The following CPA6 variants were observed in gnomAD, a reference collection of about 807,000 sequenced individuals.
CPA6 encodes the protein carboxypeptidase A6.
CPA6 carries 58 observed loss-of-function variants against 63.3 expected under a neutral mutation model. The observed-to-expected ratio is 0.92, with a 90% CI of 0.74 to 1.14. CPA6 has a LOEUF of 1.14. Ranked by LOEUF, CPA6 falls within the 50% of genes most tolerant of loss-of-function variation. The pLI, the probability that CPA6 is intolerant of heterozygous loss-of-function variation, is 0.00. For synonymous variants in CPA6, 185 were observed against 179.0 expected (o/e 1.03, Z -0.27); for missense variants, 565 against 526.6 (o/e 1.07, Z -0.71).
At chr8:67,589,944 T>C (rs1587605445) in intron 2 of CPA6, among the ~76,000 whole-genome samples, 1 of 152,022 alleles carries the variant, frequency 6.6e-6, no homozygotes, top group East Asian at 1.9e-4. Context: ...AATGTGCAGG[T>C]TAGTTACATA....
chr8:67,721,068 T>C (rs1430845420), intron 1 of CPA6, among the ~76,000 whole-genome samples: 1 of 152,248 alleles, frequency 6.6e-6, no homozygotes, highest in Non-Finnish European at 1.5e-5. Flanking sequence ...ACATTACAAA[T>C]GTTTGAATAA....
At chr8:67,612,136 TAAGTATGGC>T (rs1814823804) in intron 2 of CPA6, among the ~76,000 whole-genome samples, 1 of 152,180 alleles carries the variant, frequency 6.6e-6, no homozygotes, top group African/African-American at 2.4e-5. Context: ...ATGGACTGTC[TAAGTATGGC>T]CCTGGATATG....
chr8:67,674,047 T>C (rs549332294), intron 1 of CPA6, among the ~76,000 whole-genome samples: 1 of 152,368 alleles, frequency 6.6e-6, no homozygotes, highest in South Asian at 2.1e-4. Context: ...GTTACCATCA[T>C]AGAACAATCC....
chr8:67,593,359 C>T lies in CPA6; in HGVS notation c.192+30817G>A, dbSNP rs984927170. Among the ~76,000 whole-genome samples the T allele has an allele frequency of 4.5e-4, 69 of 151,962 alleles. 1 individual carries two copies. The highest frequency in any genetic ancestry group is 8.2e-4 in the Non-Finnish European group (56 of 67,938). ...TGTGGTGCTGAAAAAAATGTATATT[C>T]TGTTGATTTGGGGTGGAGAGTTCTG... On this transcript the variant is annotated intron_variant, in intron 2 of 10. Coordinates refer to ENST00000297770, the MANE Select transcript of CPA6 (RefSeq NM_020361.5).
intron 8 of CPA6, among the ~76,000 whole-genome samples, chr8:67,445,921 A>G (rs1230982102): frequency 6.6e-6 from 1 of 152,256 alleles, no homozygotes; most frequent in Non-Finnish European, 1.5e-5. Context: ...GCAATTGTAT[A>G]AATGAGATGG....
chr8:67,642,691 G>C (rs7813822), intron 1 of CPA6, among the ~76,000 whole-genome samples: 5,866 of 151,846 alleles, frequency 0.039, 228 homozygotes, highest in African/African-American at 0.095. Context: ...TCCATGACAG[G>C]GGTAGTATGG....
At chr8:67,532,191 G>A (rs1812491370) in intron 2 of CPA6, among the ~76,000 whole-genome samples, 1 of 152,092 alleles carries the variant, frequency 6.6e-6, no homozygotes, top group African/African-American at 2.4e-5. Flanking sequence ...AAAAGTGTTA[G>A]TATGGACCAA....
rs780171379 is a variant in CPA6 at position 67,518,011 on chromosome 8, A to G, written c.229T>C (p.Ser77Pro). Residue 77 changes from serine to proline, a missense_variant, in exon 3 of 11, where the codon TCA (serine) becomes CCA (proline). Physicochemically the swap from Ser to Pro is moderately conservative, Grantham distance 74 (BLOSUM62 -1). Transcript: ENST00000297770. ...LWQPSSISYV[S>P]EGTVTDVHIP... ...TGGACATCAGTAACTGTTCCCTCTG[A>G]TACATAGGAGATACTGCTGGGCTGC... The G allele has an allele frequency of 6.2e-7, 1 of 1,612,030 alleles. No individual in the cohort carries two copies.
At chr8:67,648,435 T>G (rs748741835) in intron 1 of CPA6, among the ~76,000 whole-genome samples, 3 of 152,140 alleles carry the variant, frequency 2.0e-5, no homozygotes, top group Non-Finnish European at 4.4e-5. Flanking sequence ...TGCATCATAC[T>G]GCCAGCTCCA....
intron 1 of CPA6, among the ~76,000 whole-genome samples, chr8:67,713,061 G>A (rs1817296301): frequency 7.6e-6 from 1 of 131,632 alleles, no homozygotes; most frequent in Non-Finnish European, 1.6e-5. Context: ...AACTTTATAA[G>A]CATGTGTGTA....
At chr8:67,462,809 T>C (rs1810842339) in intron 8 of CPA6, among the ~76,000 whole-genome samples, 1 of 152,210 alleles carries the variant, frequency 6.6e-6, no homozygotes, top group African/African-American at 2.4e-5. Context: ...AATTAGAATC[T>C]GTTTCCTTGA....
intron 8 of CPA6, among the ~76,000 whole-genome samples, chr8:67,443,654 C>T (rs1014470056): frequency 6.6e-6 from 1 of 152,218 alleles, no homozygotes; most frequent in Non-Finnish European, 1.5e-5. Flanking sequence ...AGTCAATTCA[C>T]ATTTCTCTTC....
chr8:67,535,779 C>A (rs550985018), intron 2 of CPA6, among the ~76,000 whole-genome samples: 1 of 152,024 alleles, frequency 6.6e-6, no homozygotes, highest in African/African-American at 2.4e-5. Flanking sequence ...AAGTATTTGC[C>A]CACGCCTATG....
intron 2 of CPA6, among the ~76,000 whole-genome samples, chr8:67,529,535 C>G (rs960147490): frequency 6.6e-6 from 1 of 152,110 alleles, no homozygotes; most frequent in African/African-American, 2.4e-5. Flanking sequence ...AGATAATGGG[C>G]CCTCCAATAT....
At chr8:67,681,545 T>G (rs1816599081) in intron 1 of CPA6, among the ~76,000 whole-genome samples, 1 of 152,204 alleles carries the variant, frequency 6.6e-6, no homozygotes, top group Non-Finnish European at 1.5e-5. Context: ...AGACCTATAG[T>G]TTTAAGTTTT....
At chr8:67,721,661 T>G (rs1356369019) in intron 1 of CPA6, among the ~76,000 whole-genome samples, 1 of 152,134 alleles carries the variant, frequency 6.6e-6, no homozygotes. Flanking sequence ...TACGTTACTT[T>G]AACAAAAAAC....
Position 67,517,837 on chromosome 8 carries a change from G to A in CPA6, c.317+86C>T. ...AATTGTACCCAAAACACTGTTGTAA[G>A]TACTTGATAAATAACCTAAATACAA... On this transcript the variant is annotated intron_variant, in intron 3 of 10. Transcript: ENST00000297770. 20 of 1,345,444 alleles carry A rather than the reference G, an allele frequency of 1.5e-5. No individual in the cohort carries two copies. In the South Asian group the frequency reaches 3.0e-4, roughly 20 times the overall value. The allele number at this position is 1,345,444 out of a possible 1,614,324, so 83.3% of individuals were successfully genotyped here. A position where few individuals can be genotyped will look rare whatever the true frequency, so the allele number is the denominator to read the frequency against.
At chr8:67,474,054 C>A (rs1476886257) in intron 8 of CPA6, among the ~76,000 whole-genome samples, 1 of 152,134 alleles carries the variant, frequency 6.6e-6, no homozygotes, top group Non-Finnish European at 1.5e-5. Context: ...ATGAACCACA[C>A]ACTTCCATAA....
chr8:67,689,825 T>C (rs1418293380), intron 1 of CPA6, among the ~76,000 whole-genome samples: 1 of 152,200 alleles, frequency 6.6e-6, no homozygotes, highest in Non-Finnish European at 1.5e-5. Flanking sequence ...GGTAGTTCTG[T>C]TTTAAGTTCT....
Sources: gnomAD v4.1 joint callset for allele counts (sites outside exome capture counted in the v4.1 genomes callset) on GRCh38, gnomAD v4.1.1 for gene constraint, MANE v1.5 for transcripts, NCBI Gene and HGNC (gene_info 2026-07-23, HGNC 2026-07-21) for gene names.